Variants in PIK3R1 observed in about 807,000 individuals in gnomAD.
PIK3R1 encodes phosphatidylinositol 3-kinase regulatory subunit alpha.
In PIK3R1, 29 loss-of-function variants were observed where a neutral mutation model predicts 98.0. That is an observed-to-expected ratio of 0.30 (90% CI 0.22 to 0.40). The LOEUF is 0.40. Ranked by LOEUF, PIK3R1 falls within the 10% of genes least tolerant of loss-of-function variation. PIK3R1 has a pLI of 1.00. For synonymous variants in PIK3R1, 282 were observed against 311.8 expected, an observed-to-expected ratio of 0.90 and a Z score of 1.01; for missense variants, 596 against 872.7, an observed-to-expected ratio of 0.68 and a Z score of 3.99.
Position 68,296,198 on chromosome 5 carries a change from A to G in PIK3R1, c.1842A>G (p.Glu614=). 6.2e-7 allele frequency: 1 copy of G among 1,614,164 alleles called. No individual in the cohort carries two copies. The highest frequency in any genetic ancestry group is 8.5e-7 in the Non-Finnish European group (1 of 1,179,988). The change falls in exon 15 of 16, where the codon GAA becomes GAG. Residue 614 remains glutamate, a synonymous_variant. Transcript: ENST00000521381. ...AATATTCACTGGTGGAAGATGATGA[A>G]GATTTGCCCCATCATGATGAGAAGA... ...EDQYSLVEDD[E]DLPHHDEKTW... is the part of the protein sequence containing the mutation.
In PIK3R1 at chr5:68,297,403, CCT is replaced by C; in HGVS notation, c.1986-4_1986-3del. On this transcript the variant is annotated splice_polypyrimidine_tract_variant and splice_region_variant and intron_variant, in intron 15 of 15. Coordinates refer to ENST00000521381, the MANE Select transcript of PIK3R1 (RefSeq NM_181523.3). ...GCTCAAAAGACAGTTTTTCTTCTCTCCTCTCTAGGGTGGACGGCGAAGTAAAG... is the reference window on the plus strand; with the variant it reads ...GCTCAAAAGACAGTTTTTCTTCTCTCCTCTAGGGTGGACGGCGAAGTAAAG... 6.2e-7 allele frequency: 1 copy of C among 1,605,876 alleles called. No individual in the cohort carries two copies. The highest frequency in any genetic ancestry group is 8.5e-7 in the Non-Finnish European group (1 of 1,175,662).
At chr5:68,267,995 C>A (rs908293809) in intron 2 of PIK3R1, among the ~76,000 whole-genome samples, 2 of 152,072 alleles carry the variant, frequency 1.3e-5, no homozygotes, top group African/African-American at 4.8e-5. Context: ...ATAATCTAAA[C>A]AATAATAAAG....
At chr5:68,241,258 T>C (rs150180094) in intron 2 of PIK3R1, among the ~76,000 whole-genome samples, 1 of 152,114 alleles carries the variant, frequency 6.6e-6, no homozygotes, top group African/African-American at 2.4e-5. Context: ...AAAAGAAGAG[T>C]TGATACTTAA....
intron 2 of PIK3R1, among the ~76,000 whole-genome samples, chr5:68,259,552 G>C (rs545223324): frequency 1.3e-5 from 2 of 152,326 alleles, no homozygotes; most frequent in Non-Finnish European, 2.9e-5. Context: ...CGTGAGGAGA[G>C]GGGTTCTGTT....
intron 7 of PIK3R1, chr5:68,288,306 C>A: frequency 1.6e-6 from 1 of 606,696 alleles, no homozygotes; most frequent in Non-Finnish European, 2.1e-6. Flanking sequence ...GCTCCCCTCC[C>A]CCTCCCGAAA....
intron 7 of PIK3R1, among the ~76,000 whole-genome samples, chr5:68,287,020 A>G (rs1747105990): frequency 6.6e-6 from 1 of 152,200 alleles, no homozygotes; most frequent in African/African-American, 2.4e-5. Context: ...GCACTAAAGG[A>G]AAGTTTGTAA....
At chr5:68,252,197 C>A (rs962272866) in intron 2 of PIK3R1, among the ~76,000 whole-genome samples, 20 of 152,064 alleles carry the variant, frequency 1.3e-4, no homozygotes, top group African/African-American at 4.6e-4. Flanking sequence ...TGTCCTGAAC[C>A]CGAGGATCAG....
At chr5:68,219,665 A>G (rs187852447) in intron 1 of PIK3R1, among the ~76,000 whole-genome samples, 4 of 152,308 alleles carry the variant, frequency 2.6e-5, no homozygotes, top group Admixed American at 6.5e-5. Flanking sequence ...GCCTTTATCT[A>G]TTTACTCCAA....
intron 2 of PIK3R1, among the ~76,000 whole-genome samples, chr5:68,255,093 T>G (rs866218828): frequency 1.1e-4 from 16 of 152,240 alleles, no homozygotes; most frequent in Admixed American, 2.6e-4. Flanking sequence ...GTCTTTGGGT[T>G]GCTCCAGGGC....
chr5:68,258,231 T>A (rs765845773), intron 2 of PIK3R1, among the ~76,000 whole-genome samples: 1 of 152,214 alleles, frequency 6.6e-6, no homozygotes, highest in Non-Finnish European at 1.5e-5. Flanking sequence ...AGTAGGAGTT[T>A]GAAGCCCAGA....
Position 68,295,317 on chromosome 5 carries a change from T to C in PIK3R1, c.1738T>C (p.Tyr580His). Reference sequence around the variant, plus strand: ...CCAGCTGAGAAAGACGAGAGACCAATACTTGATGTAAGTATTTGAAATGGA... The same window carrying C: ...CCAGCTGAGAAAGACGAGAGACCAACACTTGATGTAAGTATTTGAAATGGA... ...LIQLRKTRDQ[Y>H]LMWLTQKGVR... The change falls in exon 13 of 16, where the codon TAC becomes CAC. Residue 580 changes from tyrosine (Y) to histidine (H), a missense_variant. Transcript: ENST00000521381. 2 of 1,613,972 alleles carry C rather than the reference T, an allele frequency of 1.2e-6. No homozygotes were observed. The highest frequency in any genetic ancestry group is 1.7e-6 in the Non-Finnish European group (2 of 1,179,844).
At chr5:68,225,442 T>A (rs933247794) in intron 1 of PIK3R1, among the ~76,000 whole-genome samples, 1 of 152,202 alleles carries the variant, frequency 6.6e-6, no homozygotes, top group Non-Finnish European at 1.5e-5. Flanking sequence ...TCTCTTTGCC[T>A]GATAGTGCTC....
chr5:68,262,668 T>C (rs1386897444), intron 2 of PIK3R1, among the ~76,000 whole-genome samples: 1 of 130,090 alleles, frequency 7.7e-6, no homozygotes, highest in Admixed American at 7.4e-5. Context: ...TGTATACACA[T>C]GTAGATACAT....
At chr5:68,288,358 T>C in intron 7 of PIK3R1, 1 of 1,022,160 alleles carries the variant, frequency 9.8e-7, no homozygotes, top group South Asian at 4.4e-5. Context: ...AAGTTAATCA[T>C]GAAGCTGCGA....
chr5:68,266,257 GCATTTCTAA>G (rs1746120079), intron 2 of PIK3R1, among the ~76,000 whole-genome samples: 1 of 152,160 alleles, frequency 6.6e-6, no homozygotes, highest in South Asian at 2.1e-4. Context: ...TTATTTTTAA[GCATTTCTAA>G]CATGACATTT....
chr5:68,290,684 ACT>A (rs1423090874), intron 7 of PIK3R1: 1 of 1,580,954 alleles, frequency 6.3e-7, no homozygotes, highest in African/African-American at 1.4e-5. Context: ...AGAAAGCCGG[ACT>A]CTTTTCTTAT....
rs144551948 is a variant in PIK3R1, at chr5:68,251,704, A to G, written c.335-21686A>G. 4.2e-3 allele frequency among the ~76,000 whole-genome samples: 636 copies of G among 152,296 alleles called. 2 individuals carry two copies. Among genetic ancestry groups the G allele is most frequent in the African/African-American group, 1.0e-2 (414 of 41,548 alleles). On this transcript the variant is annotated intron_variant, in intron 2 of 15. Coordinates refer to ENST00000521381, the MANE Select transcript of PIK3R1 (RefSeq NM_181523.3). ...ACAGAACTACAACTCCTTTCTTTCA[A>G]GTTTTTCAGCCTTTTCACACTTTTC...
At chr5:68,262,470 A>ATGTACATATATATCTATATG (rs1745804726) in intron 2 of PIK3R1, among the ~76,000 whole-genome samples, 5 of 146,396 alleles carry the variant, frequency 3.4e-5, no homozygotes, top group Admixed American at 3.4e-4. Context: ...ATATCTATAT[A>ATGTACATATATATCTATATG]TGTACATATA....
At chr5:68,222,884 C>T (rs182834117) in intron 1 of PIK3R1, among the ~76,000 whole-genome samples, 1 of 152,198 alleles carries the variant, frequency 6.6e-6, no homozygotes, top group East Asian at 1.9e-4. Context: ...GCTAGACTGC[C>T]TGGATCTGAA....
Sources: allele counts gnomAD v4.1 joint callset (sites outside exome capture counted in the v4.1 genomes callset), GRCh38; gene constraint gnomAD v4.1.1; transcripts MANE v1.5; gene names NCBI Gene and HGNC (gene_info 2026-07-23, HGNC 2026-07-21).